The following HEPHL1 variants were observed in gnomAD, a reference collection of about 807,000 sequenced individuals.
The protein encoded by HEPHL1 is ferroxidase HEPHL1.
A neutral mutation model predicts 122.0 loss-of-function variants in HEPHL1; 123 were observed. That is an observed-to-expected ratio of 1.01 (90% CI 0.87 to 1.17). The LOEUF is 1.17. Ranked by LOEUF, HEPHL1 falls within the 50% of genes most tolerant of loss-of-function variation. The pLI is 0.00. For missense variants in HEPHL1, 1,452 were observed against 1,430.5 expected, an observed-to-expected ratio of 1.01 and a Z score of -0.24; for synonymous variants, 527 against 508.9, an observed-to-expected ratio of 1.04 and a Z score of -0.48.
At chr11:94,042,883 A>AAAACCAAAAAACAAAC (rs1555058776) in intron 1 of HEPHL1, among the ~76,000 whole-genome samples, 2 of 132,398 alleles carry the variant, frequency 1.5e-5, no homozygotes, top group African/African-American at 5.6e-5. Flanking sequence ...AATAAAAAAA[A>AAAACCAAAAAACAAAC]AAAAAAAAAA....
At chr11:94,023,404 G>A (rs145572243) in intron 1 of HEPHL1, among the ~76,000 whole-genome samples, 22 of 152,206 alleles carry the variant, frequency 1.4e-4, no homozygotes, top group Non-Finnish European at 2.4e-4. Flanking sequence ...AAGTTATCTG[G>A]GTTAATTCAA....
At chr11:94,073,549 T>C in intron 8 of HEPHL1, 110 bp downstream of exon 8, 29 of 1,037,148 alleles carry the variant, frequency 2.8e-5, no homozygotes, top group Admixed American at 5.1e-5. Context: ...CCCTGAGAGC[T>C]TGGGCAATCA....
chr11:94,041,073 C>G (rs1275321818), intron 1 of HEPHL1, among the ~76,000 whole-genome samples: 1 of 137,678 alleles, frequency 7.3e-6, no homozygotes, highest in Non-Finnish European at 1.6e-5. Flanking sequence ...TTCTTATAGA[C>G]CAACAACAGA....
chr11:94,082,718 G>GACCATACCA (rs944494136), intron 10 of HEPHL1, 150 bp downstream of exon 10: 1 of 681,990 alleles, frequency 1.5e-6, no homozygotes. Flanking sequence ...GCTTTAGATG[G>GACCATACCA]TATGGTGAAA....
chr11:94,094,943 A>G (rs969008818), intron 13 of HEPHL1, among the ~76,000 whole-genome samples: 4 of 152,102 alleles, frequency 2.6e-5, no homozygotes, highest in Non-Finnish European at 4.4e-5. Flanking sequence ...CATTCTGTAG[A>G]TTACCTGTTC....
chr11:94,068,892 C>G (rs1946054486), intron 5 of HEPHL1, among the ~76,000 whole-genome samples: 1 of 152,130 alleles, frequency 6.6e-6, no homozygotes, highest in Admixed American at 6.5e-5. Context: ...CTAATAGGTG[C>G]AAAGATCCAG....
chr11:94,028,907 A>G (rs972912409), intron 1 of HEPHL1, among the ~76,000 whole-genome samples: 6 of 152,138 alleles, frequency 3.9e-5, no homozygotes, highest in Admixed American at 2.6e-4. Context: ...ATATGTTCTC[A>G]ATGGGTGGTT....
chr11:94,036,309 T>C (rs1452644233), intron 1 of HEPHL1, among the ~76,000 whole-genome samples: 1 of 152,182 alleles, frequency 6.6e-6, no homozygotes, highest in Non-Finnish European at 1.5e-5. Context: ...CACCTGCTGA[T>C]GTCTGAGGCT....
chr11:94,045,686 T>C lies in HEPHL1; in HGVS notation c.184T>C (p.Phe62Leu). 1.2e-6 allele frequency: 2 copies of C among 1,604,560 alleles called. No individual in the cohort carries two copies. Among genetic ancestry groups the C allele is most frequent in the South Asian group, 2.3e-5 (2 of 88,632 alleles). The change falls in exon 2 of 20, where the codon TTT becomes CTT. Residue 62 changes from phenylalanine to leucine, a missense_variant. Coordinates refer to ENST00000315765, the MANE Select transcript of HEPHL1 (RefSeq NM_001098672.2). ...SFTEDKLATLFLERGPNRIGS... is the reference protein window; with the variant it reads ...SFTEDKLATLLLERGPNRIGS... ...TCTTACTTTTAGACTTGCAACCTTA[T>C]TTCTCGAAAGAGGGCCCAACAGGAT... is the stretch of plus-strand genomic sequence containing the variant.
chr11:94,043,797 C>T (rs1440434926), intron 1 of HEPHL1, among the ~76,000 whole-genome samples: 1 of 151,944 alleles, frequency 6.6e-6, no homozygotes, highest in Non-Finnish European at 1.5e-5. Flanking sequence ...TCTTTGACTC[C>T]AGATTAGATG....
chr11:94,059,265 C>G (rs974755621), intron 2 of HEPHL1, among the ~76,000 whole-genome samples: 10 of 152,118 alleles, frequency 6.6e-5, no homozygotes, highest in Admixed American at 6.6e-5. Context: ...TGCAATATCC[C>G]ACCATATGAA....
rs1946279079 is a variant in HEPHL1 at position 94,093,514 on chromosome 11, T to G, written c.2308T>G (p.Phe770Val). The change falls in exon 13 of 20, where the codon TTT (phenylalanine) becomes GTT (valine). Residue 770 changes from phenylalanine (F) to valine (V), a missense_variant. Transcript: ENST00000315765. ...DARGERHGDI[F>V]MNRTENWIGS... is the part of the protein sequence containing the mutation. ...TCTGATTTGCAGACATGGAGATATA[T>G]TTATGAACCGCACTGAAAATTGGAT... 1.2e-6 allele frequency: 2 copies of G among 1,613,382 alleles called. No homozygotes were observed. Among genetic ancestry groups the G allele is most frequent in the African/African-American group, 1.3e-5 (1 of 74,864 alleles).
In HEPHL1 at chr11:94,045,260, A is replaced by G. The variant is rs576142828; in HGVS notation, c.171-413A>G. On this transcript the variant is annotated intron_variant, in intron 1 of 19. Coordinates refer to ENST00000315765, the MANE Select transcript of HEPHL1 (RefSeq NM_001098672.2). ...TGAGCCTGTATCTGTTGTATCAATC[A>G]TTCACTTGACACTTAATTATCTAAG... Among the ~76,000 whole-genome samples the G allele has an allele frequency of 2.0e-5, 3 of 152,352 alleles. No homozygotes were observed. The East Asian group carries it at 5.8e-4, about 29-fold the overall frequency.
intron 1 of HEPHL1, among the ~76,000 whole-genome samples, chr11:94,045,392 G>T (rs1945825112): frequency 6.6e-6 from 1 of 152,244 alleles, no homozygotes; most frequent in Non-Finnish European, 1.5e-5. Flanking sequence ...GGAACATGTT[G>T]AGTGGAAAGG....
chr11:94,068,886 T>C (rs2134431053), intron 5 of HEPHL1, among the ~76,000 whole-genome samples: 1 of 152,292 alleles, frequency 6.6e-6, no homozygotes, highest in East Asian at 1.9e-4. Flanking sequence ...TAGTCACTAA[T>C]AGGTGCAAAG....
chr11:94,089,117 G>A (rs1218899490), intron 12 of HEPHL1, 149 bp downstream of exon 12: 2 of 758,040 alleles, frequency 2.6e-6, no homozygotes, highest in South Asian at 1.8e-5. Flanking sequence ...GATTAGGGAA[G>A]CTGCCCACCT....
chr11:94,075,578 T>A (rs1331833799), intron 9 of HEPHL1, among the ~76,000 whole-genome samples, 193 bp downstream of exon 9: 1 of 152,180 alleles, frequency 6.6e-6, no homozygotes, highest in African/African-American at 2.4e-5. Context: ...TAGTTACAAA[T>A]GCCCACTCAG....
intron 1 of HEPHL1, among the ~76,000 whole-genome samples, 161 bp downstream of exon 1, chr11:94,021,699 G>A (rs567871992): frequency 2.3e-3 from 346 of 152,268 alleles, no homozygotes; most frequent in African/African-American, 8.0e-3. Flanking sequence ...ATGGATGGGT[G>A]TGTAATCTGG....
Position 94,082,399 on chromosome 11 carries a change from A to G in HEPHL1, c.1717-19A>G. The G allele has an allele frequency of 1.3e-6, 2 of 1,579,782 alleles. No homozygotes were observed. The highest frequency in any genetic ancestry group is 2.3e-5 in the South Asian group (2 of 86,540). On this transcript the variant is annotated intron_variant, in intron 9 of 19. Coordinates refer to ENST00000315765, the MANE Select transcript of HEPHL1 (RefSeq NM_001098672.2). The stretch of plus-strand genomic sequence containing the variant: ...TCCAAGCTGTACCTTTTATGTATTC[A>G]TTTCTTTCTTCTCTGTAGAAAGGAA...
Sources: allele counts gnomAD v4.1 joint callset (sites outside exome capture counted in the v4.1 genomes callset), GRCh38; gene constraint gnomAD v4.1.1; transcripts MANE v1.5; gene names NCBI Gene and HGNC (gene_info 2026-07-23, HGNC 2026-07-21).